The following CRLF2 variants were observed in gnomAD, a reference collection of about 807,000 sequenced individuals.
CRLF2 encodes cytokine receptor like factor 2, also known as cytokine receptor-like factor 2.
CRLF2 carries 41 observed loss-of-function variants against 38.7 expected under a neutral mutation model. That is an observed-to-expected ratio of 1.06 (90% CI 0.83 to 1.37). The LOEUF (loss-of-function observed/expected upper bound fraction) is 1.37, where lower values mean the gene tolerates loss of function less well. CRLF2 is among the 40% of genes most tolerant of loss of function. CRLF2 has a pLI of 0.00. For synonymous variants in CRLF2, 140 were observed against 128.8 expected (o/e 1.09, Z -0.59); for missense variants, 377 against 322.2 (o/e 1.17, Z -1.30).
chrX:1,197,600 G>C (rs1316730619), intron 5 of CRLF2, among the ~76,000 whole-genome samples: 1 of 151,938 alleles, frequency 6.6e-6, no homozygotes, highest in Non-Finnish European at 1.5e-5. Flanking sequence ...CGGATCACAA[G>C]GTCAGGAGTT....
intron 1 of CRLF2, among the ~76,000 whole-genome samples, chrX:1,209,344 T>TGTAGTGTAGTGTAGTGTAG (rs1569473201): frequency 9.3e-6 from 1 of 107,376 alleles, no homozygotes; most frequent in East Asian, 2.7e-4. Flanking sequence ...GTGTAGTGTA[T>TGTAGTGTAGTGTAGTGTAG]TGTGTGAGAC....
At chrX:1,192,197 T>A in intron 7 of CRLF2, among the ~76,000 whole-genome samples, 1 of 99,400 alleles carries the variant, frequency 1.0e-5, no homozygotes, top group Non-Finnish European at 1.9e-5. Flanking sequence ...AGAGCGAGAC[T>A]CCGTCTCAAA....
At chrX:1,197,537 C>A (rs182057457) in intron 5 of CRLF2, among the ~76,000 whole-genome samples, 16 of 152,104 alleles carry the variant, frequency 1.1e-4, no homozygotes, top group Non-Finnish European at 2.4e-4. Context: ...CGTCAAAGGC[C>A]GGGCGCGGTG....
chrX:1,195,188 G>A (rs1398366587), intron 6 of CRLF2, among the ~76,000 whole-genome samples: 7 of 150,890 alleles, frequency 4.6e-5, no homozygotes, highest in Non-Finnish European at 7.4e-5. Context: ...GTGAGATTCC[G>A]TCTCAAAATA....
chrX:1,191,296 T>TCTTTCTTTC, intron 7 of CRLF2, 136 bp from the exon 8 acceptor site: 2 of 249,032 alleles, frequency 8.0e-6, no homozygotes, highest in Non-Finnish European at 1.3e-5. Flanking sequence ...TTTTCTTTTC[T>TCTTTCTTTC]CTTTCTTTCT....
At chrX:1,211,183 GGA>G in intron 1 of CRLF2, among the ~76,000 whole-genome samples, 1 of 151,310 alleles carries the variant, frequency 6.6e-6, no homozygotes, top group South Asian at 2.1e-4. Context: ...ATGGATGGAT[GGA>G]TGGATGGATG....
At chrX:1,209,894 G>A (rs1372164629) in intron 1 of CRLF2, among the ~76,000 whole-genome samples, 1 of 151,754 alleles carries the variant, frequency 6.6e-6, no homozygotes, top group Non-Finnish European at 1.5e-5. Flanking sequence ...CCGAGGTCAG[G>A]AGTTCGAGAC....
Position 1,198,713 on chromosome X carries a change from T to C in CRLF2, c.495A>G (p.Glu165=), listed in dbSNP as rs1341440674. ...PFDTEWQSKQ[E]NTCNVTIEGL... is the part of the protein sequence containing the mutation. ...CTTCTATGGTGACGTTGCAGGTATT[T>C]TCCTGTTTGGACTGGAGAAACATAC... is the stretch of plus-strand genomic sequence containing the variant. The change falls in exon 5 of 8, where the codon GAA becomes GAG. Residue 165 remains glutamate, a synonymous_variant. Transcript: ENST00000400841. 3 of 1,611,034 alleles carry C rather than the reference T, an allele frequency of 1.9e-6. No individual in the cohort carries two copies. Among genetic ancestry groups the C allele is most frequent in the Non-Finnish European group, 2.5e-6 (3 of 1,178,984 alleles).
intron 3 of CRLF2, among the ~76,000 whole-genome samples, chrX:1,205,528 GC>G (rs1346797012): frequency 1.3e-5 from 2 of 151,966 alleles, no homozygotes; most frequent in Admixed American, 6.6e-5. Context: ...GCGAGAGCTT[GC>G]TTTTCAGTAC....
rs756815530 is a variant in CRLF2 at position 1,196,782 on chromosome X, C to T, written c.765G>A (p.Trp255Ter). The T allele has an allele frequency of 1.9e-5, 31 of 1,613,202 alleles. No homozygotes were observed. The highest frequency in any genetic ancestry group is 2.5e-5 in the Non-Finnish European group (30 of 1,179,518). The change falls in exon 6 of 8, where the codon TGG becomes TGA. Residue 255 changes from tryptophan to a stop codon, truncating the protein, a stop_gained and splice_region_variant. Coordinates refer to ENST00000400841, the MANE Select transcript of CRLF2 (RefSeq NM_022148.4). LOFTEE classifies it high-confidence loss of function. The part of the protein sequence containing the change: ...SLLLLSLWKL[W>*]RVKKFLIPSV... Reference sequence around the variant, plus strand: ...CGGGCGGCAGGAGTCATCCTTACCTCCATAATTTCCATAAAGACAGAAGGA... The same window carrying T: ...CGGGCGGCAGGAGTCATCCTTACCTTCATAATTTCCATAAAGACAGAAGGA...
chrX:1,209,287 CATTGT>C (rs1228723608), intron 1 of CRLF2, among the ~76,000 whole-genome samples: 32 of 97,774 alleles, frequency 3.3e-4, no homozygotes, highest in South Asian at 6.6e-4. Flanking sequence ...CATTGTATTG[CATTGT>C]ATTGTAGTGT....
At chrX:1,206,389 AG>A (rs2086691367) in intron 3 of CRLF2, 43 bp downstream of exon 3, 8 of 1,559,082 alleles carry the variant, frequency 5.1e-6, no homozygotes, top group Non-Finnish European at 7.1e-6. Context: ...AATAAGCTGA[AG>A]GAAGTACTGA....
At chrX:1,208,327 G>A (rs1464226541) in intron 2 of CRLF2, among the ~76,000 whole-genome samples, 2 of 152,146 alleles carry the variant, frequency 1.3e-5, no homozygotes, top group Non-Finnish European at 2.9e-5. Flanking sequence ...GGGAGGCTGA[G>A]GCAGGTGGAT....
chrX:1,199,932 A>ATATATGT (rs1419868482), intron 4 of CRLF2, among the ~76,000 whole-genome samples: 30,718 of 150,556 alleles, frequency 0.2, 3,785 homozygotes, highest in African/African-American at 0.34. Context: ...CTGTGTATGT[A>ATATATGT]AGGTGTGTAT....
chrX:1,198,787 AT>A, intron 4 of CRLF2, 63 bp from the exon 5 acceptor site: 1 of 1,344,976 alleles, frequency 7.4e-7, no homozygotes, highest in Non-Finnish European at 1.0e-6. Context: ...ACACACAATG[AT>A]TAGTGATGTA....
intron 1 of CRLF2, among the ~76,000 whole-genome samples, chrX:1,211,357 G>GTGGATGGATGGATGGA (rs762348364): frequency 1.2e-3 from 55 of 46,528 alleles, no homozygotes; most frequent in Non-Finnish European, 1.6e-3. Context: ...GGGTGGATGG[G>GTGGATGGATGGATGGA]TGGATGGATG....
intron 6 of CRLF2, among the ~76,000 whole-genome samples, chrX:1,194,151 G>GT (rs1324268235): frequency 6.6e-6 from 1 of 151,622 alleles, no homozygotes; most frequent in African/African-American, 2.4e-5. Flanking sequence ...TTAGCTGGGT[G>GT]TGGTGGCGTC....
At chrX:1,200,220 G>T (rs1350068976) in intron 4 of CRLF2, among the ~76,000 whole-genome samples, 1 of 151,326 alleles carries the variant, frequency 6.6e-6, no homozygotes, top group Non-Finnish European at 1.5e-5. Context: ...TGTATATACG[G>T]TGTGTGTATA....
intron 4 of CRLF2, chrX:1,198,969 AG>A (rs2086552737): frequency 1.8e-6 from 1 of 552,788 alleles, no homozygotes; most frequent in Admixed American, 2.9e-5. Context: ...GCCAACATGG[AG>A]AAACCCCGTC....
Sources: allele counts gnomAD v4.1 joint callset (sites outside exome capture counted in the v4.1 genomes callset), GRCh38; gene constraint gnomAD v4.1.1; transcripts MANE v1.5; gene names NCBI Gene and HGNC (gene_info 2026-07-23, HGNC 2026-07-21).